Variants in PDE4A observed in about 807,000 individuals in gnomAD.
The protein encoded by PDE4A is phosphodiesterase 4A.
A neutral mutation model predicts 73.9 loss-of-function variants in PDE4A; 21 were observed. That is an observed-to-expected ratio of 0.28 (90% CI 0.20 to 0.41). The LOEUF is 0.41. Among genes scored for constraint, PDE4A ranks in the 10% least tolerant of loss-of-function variants. The pLI is 1.00. For missense variants in PDE4A, 958 were observed against 1,211.4 expected (o/e 0.79, Z 3.10); for synonymous variants, 463 against 505.4 (o/e 0.92, Z 1.13).
intron 1 of PDE4A, among the ~76,000 whole-genome samples, chr19:10,441,692 T>A (rs372801855): frequency 6.4e-4 from 79 of 123,268 alleles, no homozygotes; most frequent in South Asian, 2.6e-3. Flanking sequence ...TTATTTTTTT[T>A]TTTTTTTTTT....
chr19:10,428,949 A>C (rs2145462155), intron 1 of PDE4A: 1 of 941,082 alleles, frequency 1.1e-6, no homozygotes, highest in Non-Finnish European at 1.3e-6. Context: ...TAAAAATACA[A>C]GAAAAATTTG....
At chr19:10,417,927 G>C, upstream of PDE4A, 1 of 1,496,522 alleles carries the variant, frequency 6.7e-7, no homozygotes, top group Non-Finnish European at 9.0e-7. Context: ...AACTGGGCTA[G>C]GTCCAGCCAC....
At chr19:10,432,709 T>C in intron 1 of PDE4A, 1 of 757,958 alleles carries the variant, frequency 1.3e-6, no homozygotes, top group Non-Finnish European at 2.0e-6. Context: ...CCACCCCCTT[T>C]CCTGGCTCTA....
chr19:10,458,483 C>G lies in PDE4A; in HGVS notation c.1101+381C>G, dbSNP rs569154584. ...GTCCAGACCGGTGTTTCACTCCTAG[C>G]TCTTCCAGGGGACAGCGGCAGTGGA... On this transcript the variant is annotated intron_variant, in intron 8 of 14. Coordinates refer to ENST00000380702, the MANE Select transcript of PDE4A (RefSeq NM_001111307.2). The surrounding 1 kb of genome is among the most constrained non-coding windows in gnomAD (Gnocchi z 4.6). Among the ~76,000 whole-genome samples, 14 of 152,330 alleles carry G rather than the reference C, an allele frequency of 9.2e-5. No homozygotes were observed. Among genetic ancestry groups the G allele is most frequent in the African/African-American group, 3.4e-4 (14 of 41,574 alleles).
intron 11 of PDE4A, among the ~76,000 whole-genome samples, 174 bp downstream of exon 11, chr19:10,461,277 T>A: frequency 2.2e-5 from 1 of 44,460 alleles, no homozygotes. Context: ...CTGGCTGGGC[T>A]GGAAAGGGGA....
chr19:10,431,917 T>C (rs374037615), intron 1 of PDE4A, among the ~76,000 whole-genome samples: 2 of 150,710 alleles, frequency 1.3e-5, no homozygotes, highest in East Asian at 2.1e-4. Flanking sequence ...CTTCTGTCTC[T>C]TCTGTCTCTG....
At chr19:10,421,862 C>A (rs1449939300) in intron 1 of PDE4A, among the ~76,000 whole-genome samples, 1 of 152,190 alleles carries the variant, frequency 6.6e-6, no homozygotes, top group Non-Finnish European at 1.5e-5. Flanking sequence ...TTTGCTCCAG[C>A]TGTCCGGGTA....
rs1203182984 is a variant in PDE4A at position 10,449,105 on chromosome 19, G to A, written c.575G>A (p.Arg192His). 5 of 1,613,566 alleles carry A rather than the reference G, an allele frequency of 3.1e-6. No individual in the cohort carries two copies. The highest frequency in any genetic ancestry group is 2.7e-5 in the African/African-American group (2 of 74,930). ...AQVLASLRSV[R>H]SNFSLLTNVP... ...GTGCTGGCCAGCCTCCGGAGCGTCC[G>A]TAGCAACTTCTCACTCCTGACCAAT... Residue 192 changes from arginine (R) to histidine (H), a missense_variant, in exon 4 of 15, where the codon CGT becomes CAT. Around this residue, in one of 3 missense-constraint regions of PDE4A, gnomAD observed 570 missense variants for 827.7 expected, o/e 0.69. Coordinates refer to ENST00000380702, the MANE Select transcript of PDE4A (RefSeq NM_001111307.2).
At chr19:10,421,861 G>A (rs1292216333) in intron 1 of PDE4A, among the ~76,000 whole-genome samples, 1 of 152,208 alleles carries the variant, frequency 6.6e-6, no homozygotes, top group Non-Finnish European at 1.5e-5. Context: ...GTTTGCTCCA[G>A]CTGTCCGGGT....
At chr19:10,430,692 C>G (rs2042775405) in intron 1 of PDE4A, among the ~76,000 whole-genome samples, 3 of 151,504 alleles carry the variant, frequency 2.0e-5, no homozygotes, top group Non-Finnish European at 4.4e-5. Context: ...CCGCCCCGCC[C>G]TGGGGGCGGC....
intron 1 of PDE4A, among the ~76,000 whole-genome samples, chr19:10,422,494 G>C (rs959870496): frequency 3.3e-5 from 5 of 152,168 alleles, no homozygotes; most frequent in African/African-American, 1.2e-4. Flanking sequence ...GCAACTGACA[G>C]CTTTGCCCGT....
intron 1 of PDE4A, among the ~76,000 whole-genome samples, chr19:10,439,245 G>T (rs2042905119): frequency 6.6e-6 from 1 of 150,654 alleles, no homozygotes; most frequent in Non-Finnish European, 1.5e-5. Flanking sequence ...ACAGTGGTGT[G>T]ATCTCGGTTC....
Position 10,467,575 on chromosome 19 carries a change from C to A in PDE4A, c.2615C>A (p.Ala872Glu). ...GGGACATTTGGGGAGGACACATCCG[C>A]ACTCCCAGCTCCTGGTGGCGGGGGG... is the stretch of plus-strand genomic sequence containing the variant. ...CAGTFGEDTS[A>E]LPAPGGGGSG... Residue 872 changes from alanine (A) to glutamate (E), a missense_variant, in exon 15 of 15, where the codon GCA becomes GAA. Transcript: ENST00000380702. 1 of 1,599,312 alleles carries A rather than the reference C, an allele frequency of 6.3e-7. No individual in the cohort carries two copies. The highest frequency in any genetic ancestry group is 8.5e-7 in the Non-Finnish European group (1 of 1,171,120).
chr19:10,431,785 G>A (rs1039586304), intron 1 of PDE4A, among the ~76,000 whole-genome samples: 2 of 152,174 alleles, frequency 1.3e-5, no homozygotes, highest in African/African-American at 2.4e-5. Flanking sequence ...AATGGGGCGG[G>A]GACAGAAGAG....
chr19:10,452,252 G>T (rs1353264008), intron 6 of PDE4A, among the ~76,000 whole-genome samples: 1 of 151,760 alleles, frequency 6.6e-6, no homozygotes, highest in African/African-American at 2.4e-5. Flanking sequence ...AGCCTGACCA[G>T]CATGGAGAAA....
intron 4 of PDE4A, 125 bp from the exon 5 acceptor site, chr19:10,450,475 GGCA>G: frequency 6.9e-7 from 1 of 1,450,214 alleles, no homozygotes; most frequent in Non-Finnish European, 9.1e-7. Flanking sequence ...CAGAGTACAT[GGCA>G]GCGTCCTTAG....
chr19:10,466,362 G>A (rs191688429), intron 14 of PDE4A, among the ~76,000 whole-genome samples: 3 of 145,794 alleles, frequency 2.1e-5, no homozygotes, highest in Admixed American at 1.4e-4. Flanking sequence ...GGAGAATGGC[G>A]TGAGCCCGGG....
chr19:10,460,386 CT>C (rs1259757538), intron 10 of PDE4A, among the ~76,000 whole-genome samples: 1 of 151,850 alleles, frequency 6.6e-6, no homozygotes, highest in African/African-American at 2.4e-5. Flanking sequence ...GTAATCCCAG[CT>C]ACTCCAGAGG....
At chr19:10,459,880 C>G in intron 10 of PDE4A, 121 bp downstream of exon 10, 1 of 1,204,236 alleles carries the variant, frequency 8.3e-7, no homozygotes, top group South Asian at 1.6e-5. Flanking sequence ...CCATTTCTCT[C>G]TCTTTTTTTT....
Sources: gnomAD v4.1 joint callset for allele counts (sites outside exome capture counted in the v4.1 genomes callset) on GRCh38, gnomAD v4.1.1 for gene constraint, gnomAD v4.1.1 regional missense constraint, Gnocchi (gnomAD v3.1) non-coding constraint, MANE v1.5 for transcripts, NCBI Gene and HGNC (gene_info 2026-07-23, HGNC 2026-07-21) for gene names.